The following LARS1 variants were observed in gnomAD, a reference collection of about 807,000 sequenced individuals.
LARS1 encodes leucine--tRNA ligase, cytoplasmic.
In LARS1, 100 loss-of-function variants were observed where a neutral mutation model predicts 162.8. The ratio of observed to expected loss-of-function variants is 0.61; its 90% CI spans 0.52 to 0.73. The LOEUF (loss-of-function observed/expected upper bound fraction) is 0.73, where lower values mean the gene tolerates loss of function less well. Among genes scored for constraint, LARS1 ranks in the 30% least tolerant of loss-of-function variants. LARS1 has a pLI of 0.00. For missense variants in LARS1, 1,258 were observed against 1,408.9 expected (o/e 0.89, Z 1.71); for synonymous variants, 457 against 462.8 (o/e 0.99, Z 0.16).
At chr5:146,131,488 T>G (rs1393084222) in intron 23 of LARS1, 198 of 8,166 alleles carry the variant, frequency 0.024, 11 homozygotes, top group East Asian at 0.081. Flanking sequence ...GTAGCCAAGT[T>G]TTTTTTTTTT....
Position 146,171,973 on chromosome 5 carries a change from C to T in LARS1, c.231G>A (p.Gln77=), listed in dbSNP as rs1442798203. 3.1e-6 allele frequency: 5 copies of T among 1,613,654 alleles called. No homozygotes were observed. The highest frequency in any genetic ancestry group is 8.5e-7 in the Non-Finnish European group (1 of 1,179,626). Residue 77 remains glutamine, a synonymous_variant, in exon 4 of 32, where the codon CAG becomes CAA. Coordinates refer to ENST00000394434, the MANE Select transcript of LARS1 (RefSeq NM_020117.11). ...LSKCEFAVGY[Q]RLKGKCCLFP... The stretch of plus-strand genomic sequence containing the variant: ...ACAGACAACATTTTCCTTTCAATCG[C>T]TGGTACCCTACAGCAAACTACAGAA...
chr5:146,149,386 T>C (rs75082243), intron 15 of LARS1, among the ~76,000 whole-genome samples: 4 of 152,188 alleles, frequency 2.6e-5, no homozygotes, highest in African/African-American at 9.7e-5. Flanking sequence ...AGAAATATCA[T>C]CAAAGTTCTC....
chr5:146,179,089 G>A (rs1016755202), intron 1 of LARS1, among the ~76,000 whole-genome samples: 3 of 152,174 alleles, frequency 2.0e-5, no homozygotes, highest in Middle Eastern at 6.8e-3. Context: ...AAAATTAGCC[G>A]GATGCGTTGG....
intron 14 of LARS1, among the ~76,000 whole-genome samples, chr5:146,151,479 A>T (rs974003052): frequency 1.4e-4 from 22 of 152,346 alleles, no homozygotes; most frequent in Non-Finnish European, 2.8e-4. Context: ...TAATAAATAA[A>T]TTAATGGACT....
chr5:146,162,958 C>T (rs1753844275), intron 6 of LARS1, among the ~76,000 whole-genome samples: 1 of 152,102 alleles, frequency 6.6e-6, no homozygotes, highest in Non-Finnish European at 1.5e-5. Context: ...TATAGGAGCC[C>T]GCCACCATAC....
At chr5:146,125,107 T>C (rs1361191279) in intron 28 of LARS1, among the ~76,000 whole-genome samples, 1 of 151,932 alleles carries the variant, frequency 6.6e-6, no homozygotes, top group Non-Finnish European at 1.5e-5. Context: ...TCATCAAAAT[T>C]AATTGCCTTT....
chr5:146,152,124 A>C, intron 13 of LARS1, 122 bp from the exon 14 acceptor site: 2 of 997,134 alleles, frequency 2.0e-6, no homozygotes, highest in Non-Finnish European at 3.0e-6. Context: ...TCATTACGAC[A>C]CTGCCACACA....
At position 146,168,275 on chromosome 5, in the gene LARS1, A is replaced by G. The variant is rs779189481; in HGVS notation, c.295-10T>C. 1.3e-6 allele frequency: 2 copies of G among 1,587,276 alleles called. No homozygotes were observed. The highest frequency in any genetic ancestry group is 4.5e-5 in the East Asian group (2 of 44,630). ...ACTTATCAGCACATGCCTACAACGA[A>G]TATTAGAGATAATGAAGTTCAAAAT... On this transcript the variant is annotated splice_polypyrimidine_tract_variant and intron_variant, in intron 4 of 31. Coordinates refer to ENST00000394434, the MANE Select transcript of LARS1 (RefSeq NM_020117.11).
At chr5:146,133,803 G>A (rs1192375152) in intron 22 of LARS1, among the ~76,000 whole-genome samples, 1 of 151,448 alleles carries the variant, frequency 6.6e-6, no homozygotes, top group Admixed American at 6.6e-5. Context: ...CCACTTAACA[G>A]TTCATATTTG....
Position 146,182,613 on chromosome 5 carries a change from G to A in LARS1, c.-120C>T. The A allele has an allele frequency of 1.4e-5, 18 of 1,296,328 alleles. No individual in the cohort carries two copies. The highest frequency in any genetic ancestry group is 2.0e-5 in the Non-Finnish European group (18 of 894,506). 80.3% of individuals were successfully genotyped at this position (1,296,328 alleles called of 1,614,324 possible). A position where few individuals can be genotyped will look rare whatever the true frequency, so the allele number is the denominator to read the frequency against. ...GGCCTCCCACGAAACTAAAGCACACGCTTCACACCTGCTGAGGCAATCATC... is the reference window on the plus strand; with the variant it reads ...GGCCTCCCACGAAACTAAAGCACACACTTCACACCTGCTGAGGCAATCATC... On this transcript the variant is annotated 5_prime_UTR_variant, in exon 1 of 32. Transcript: ENST00000394434.
At chr5:146,155,912 A>G (rs369309034) in intron 10 of LARS1, among the ~76,000 whole-genome samples, 4 of 152,254 alleles carry the variant, frequency 2.6e-5, no homozygotes, top group East Asian at 3.8e-4. Context: ...GCAGGAAACA[A>G]TTCAAATATC....
intron 28 of LARS1, among the ~76,000 whole-genome samples, chr5:146,125,552 T>G (rs1459160252): frequency 6.6e-6 from 1 of 151,976 alleles, no homozygotes; most frequent in African/African-American, 2.4e-5. Context: ...GGTACACTAT[T>G]TTATTTACTC....
chr5:146,137,032 G>A (rs987778121), intron 21 of LARS1, among the ~76,000 whole-genome samples: 3 of 152,166 alleles, frequency 2.0e-5, no homozygotes, highest in African/African-American at 4.8e-5. Flanking sequence ...CTGCAGCTGG[G>A]ATTACAGGCG....
At chr5:146,158,223 C>G (rs1222894220) in intron 8 of LARS1, among the ~76,000 whole-genome samples, 1 of 152,140 alleles carries the variant, frequency 6.6e-6, no homozygotes, top group Non-Finnish European at 1.5e-5. Flanking sequence ...TGTTGCGTCT[C>G]AGATAGGACT....
At chr5:146,155,145 C>T (rs1301090458) in intron 10 of LARS1, among the ~76,000 whole-genome samples, 1 of 152,152 alleles carries the variant, frequency 6.6e-6, no homozygotes, top group African/African-American at 2.4e-5. Flanking sequence ...AGCCACCGTG[C>T]CCGTCCCGGA....
At chr5:146,174,910 T>C (rs1162337105) in intron 2 of LARS1, among the ~76,000 whole-genome samples, 1 of 151,758 alleles carries the variant, frequency 6.6e-6, no homozygotes, top group Non-Finnish European at 1.5e-5. Context: ...ACAGTGAAAC[T>C]TCATTTCTAC....
chr5:146,173,440 G>GAT (rs59995596), intron 2 of LARS1, among the ~76,000 whole-genome samples: 4,360 of 150,252 alleles, frequency 0.029, 219 homozygotes, highest in African/African-American at 0.1. Context: ...CTAGATACTA[G>GAT]ATATATATAT....
At chr5:146,129,251 A>G (rs1006211286) in intron 25 of LARS1, 133 bp from the exon 26 acceptor site, 5 of 673,878 alleles carry the variant, frequency 7.4e-6, no homozygotes, top group Non-Finnish European at 1.2e-5. Context: ...TTGACTACAC[A>G]TAACACACTT....
chr5:146,177,558 C>T lies in LARS1; in HGVS notation c.114G>A (p.Glu38=). 1.3e-6 allele frequency: 2 copies of T among 1,506,894 alleles called. No individual in the cohort carries two copies. The highest frequency in any genetic ancestry group is 1.8e-6 in the Non-Finnish European group (2 of 1,097,020). The allele number at this position is 1,506,894 out of a possible 1,614,324, so 93.3% of individuals were successfully genotyped here. Reference sequence around the variant, plus strand: ...AAACTATTACTCACCTGGTCTGTTTCTCTAAATTAGATGCATTGACCTCAA... The same window carrying T: ...AAACTATTACTCACCTGGTCTGTTTTTCTAAATTAGATGCATTGACCTCAA... ...RVFEVNASNL[E]KQTSKGKYFV... The change falls in exon 2 of 32, where the codon GAG becomes GAA. Residue 38 remains glutamate (E), a synonymous_variant. Coordinates refer to ENST00000394434, the MANE Select transcript of LARS1 (RefSeq NM_020117.11).
Sources: gnomAD v4.1 joint callset for allele counts (sites outside exome capture counted in the v4.1 genomes callset) on GRCh38, gnomAD v4.1.1 for gene constraint, MANE v1.5 for transcripts, NCBI Gene and HGNC (gene_info 2026-07-23, HGNC 2026-07-21) for gene names.